Variants in SPTB observed in about 807,000 individuals in gnomAD.
SPTB encodes spectrin beta chain, erythrocytic.
SPTB carries 45 observed loss-of-function variants against 256.2 expected under a neutral mutation model. The ratio of observed to expected loss-of-function variants is 0.18; its 90% CI spans 0.14 to 0.23. The LOEUF (loss-of-function observed/expected upper bound fraction) is 0.23, where lower values mean the gene tolerates loss of function less well. SPTB is among the 10% of genes least tolerant of loss of function. The pLI, the probability that SPTB is intolerant of heterozygous loss-of-function variation, is 1.00. For missense variants in SPTB, 2,715 were observed against 3,040.4 expected (o/e 0.89, Z 2.52); for synonymous variants, 1,231 against 1,243.1 (o/e 0.99, Z 0.21).
At chr14:64,784,109 A>C (rs2082519076) in intron 19 of SPTB, 138 bp downstream of exon 19, 1 of 1,274,134 alleles carries the variant, frequency 7.8e-7, no homozygotes, top group East Asian at 2.6e-5. Context: ...AGGTTTAGCT[A>C]CTATTTAGAA....
Position 64,775,068 on chromosome 14 carries a change from C to T in SPTB, c.4842+57G>A, listed in dbSNP as rs572229100. ...CACAAGGCTCCCTACCGACAGCCAACCTCAACTCTTCCTCTCTGCCTGGGC... is the reference window on the plus strand; with the variant it reads ...CACAAGGCTCCCTACCGACAGCCAATCTCAACTCTTCCTCTCTGCCTGGGC... On this transcript the variant is annotated intron_variant, in intron 23 of 35. Transcript: ENST00000644917. The surrounding 1 kb of genome is among the most constrained non-coding windows in gnomAD (Gnocchi z 5.0). The T allele has an allele frequency of 3.1e-6, 5 of 1,612,910 alleles. No homozygotes were observed. The highest frequency in any genetic ancestry group is 4.2e-6 in the Non-Finnish European group (5 of 1,179,700).
intron 2 of SPTB, among the ~76,000 whole-genome samples, chr14:64,805,955 C>T (rs2082975365): frequency 6.6e-6 from 1 of 152,126 alleles, no homozygotes. Context: ...ACACCCCTAT[C>T]CTAAATCAGC....
chr14:64,801,964 G>A (rs1566772887), intron 5 of SPTB, 130 bp from the exon 6 acceptor site: 3 of 958,860 alleles, frequency 3.1e-6, no homozygotes, highest in Non-Finnish European at 5.0e-6. Flanking sequence ...CACCAAGAGG[G>A]GGCAGCAGCT....
chr14:64,839,019 G>C (rs1476188921), intron 1 of SPTB, among the ~76,000 whole-genome samples: 1 of 151,858 alleles, frequency 6.6e-6, no homozygotes, highest in Non-Finnish European at 1.5e-5. Context: ...TGTAATCCTA[G>C]CTACTGGGGA....
chr14:64,754,036 G>T (rs2081988821), intron 32 of SPTB: 1 of 615,480 alleles, frequency 1.6e-6, no homozygotes, highest in Non-Finnish European at 2.9e-6. Flanking sequence ...AGAGCTGCAG[G>T]GTGGCCCCCT....
intron 1 of SPTB, among the ~76,000 whole-genome samples, chr14:64,850,428 G>C (rs2083765196): frequency 6.6e-6 from 1 of 152,146 alleles, no homozygotes; most frequent in African/African-American, 2.4e-5. Context: ...TTTTCAAAAA[G>C]CCCACGTTTT....
Position 64,753,769 on chromosome 14 carries a change from G to C in SPTB, c.6370C>G (p.Gln2124Glu). The change falls in exon 33 of 36, where the codon CAG (glutamine) becomes GAG (glutamate). Residue 2124 changes from glutamine to glutamate, a missense_variant. Coordinates refer to ENST00000644917, the MANE Select transcript of SPTB (RefSeq NM_001355436.2). The part of the protein sequence containing the change: ...SPGEEEGTWP[Q>E]NLQQPPPPGQ... ...GGCGGTGGTGGCTGCTGCAGGTTCT[G>C]AGGCCACGTTCCCTCTTCTTCCCCC... 1 of 1,613,416 alleles carries C rather than the reference G, an allele frequency of 6.2e-7. No homozygotes were observed. Among genetic ancestry groups the C allele is most frequent in the Non-Finnish European group, 8.5e-7 (1 of 1,180,006 alleles).
At chr14:64,860,371 C>T (rs548650569) in intron 1 of SPTB, among the ~76,000 whole-genome samples, 144 of 152,296 alleles carry the variant, frequency 9.5e-4, no homozygotes, top group Non-Finnish European at 1.6e-3. Flanking sequence ...GAATGGGGCA[C>T]TGAGAGGCAC....
At chr14:64,850,409 A>C (rs2083764915) in intron 1 of SPTB, among the ~76,000 whole-genome samples, 1 of 152,228 alleles carries the variant, frequency 6.6e-6, no homozygotes, top group Non-Finnish European at 1.5e-5. Flanking sequence ...ATTCAACCTC[A>C]GACTTGATTT....
Position 64,798,656 on chromosome 14 carries a change from G to C in SPTB, c.1065-810C>G, listed in dbSNP as rs1418020822. ...CGTGAAGCACTGTCTACACAGCCAA[G>C]AGATAACACCTCTGTGTGCAGTGAC... On this transcript the variant is annotated intron_variant, in intron 9 of 35. Transcript: ENST00000644917. Among the ~76,000 whole-genome samples the C allele has an allele frequency of 3.9e-5, 6 of 152,228 alleles. No individual in the cohort carries two copies. The East Asian group carries it at 1.2e-3, about 29-fold the overall frequency.
In SPTB at chr14:64,802,442, C is replaced by G. The variant is rs189573227; in HGVS notation, c.475-125G>C. 198 of 914,308 alleles carry G rather than the reference C, an allele frequency of 2.2e-4. 1 individual carries two copies. In the East Asian group the frequency reaches 5.2e-3, roughly 24 times the overall value. The allele number at this position is 914,308 out of a possible 1,614,324, so 56.6% of individuals were successfully genotyped here. A position where few individuals can be genotyped will look rare whatever the true frequency, so the allele number is the denominator to read the frequency against. On this transcript the variant is annotated intron_variant, in intron 4 of 35. Transcript: ENST00000644917. The surrounding 1 kb of genome is among the most constrained non-coding windows in gnomAD (Gnocchi z 5.1). ...TTAACACTAATTCATCCTTTAAGAGCCAGTATAAATGGCGCTTGGGTTGGG... is the reference window on the plus strand; with the variant it reads ...TTAACACTAATTCATCCTTTAAGAGGCAGTATAAATGGCGCTTGGGTTGGG...
chr14:64,838,533 A>G lies in SPTB; in HGVS notation c.-51-15388T>C, dbSNP rs557786625. On this transcript the variant is annotated intron_variant, in intron 1 of 35. Coordinates refer to ENST00000644917, the MANE Select transcript of SPTB (RefSeq NM_001355436.2). ...GTATTCAGAATATATAAAAAACTCAAAACTCATCAATAAGAAAAATCTCAA... is the reference window on the plus strand; with the variant it reads ...GTATTCAGAATATATAAAAAACTCAGAACTCATCAATAAGAAAAATCTCAA... Among the ~76,000 whole-genome samples the G allele has an allele frequency of 5.3e-5, 8 of 152,312 alleles. No individual in the cohort carries two copies. The East Asian group carries it at 1.5e-3, about 29-fold the overall frequency.
rs2083319140 is a variant in SPTB, at chr14:64,822,927, CT to C, written c.148+19del. On this transcript the variant is annotated intron_variant, in intron 2 of 35. Transcript: ENST00000644917. ...GTGACTGTGAGAATGCCCTCCAACC[CT>C]TGTGGCCCCAAACAGTACCTGCCAA... 6.2e-7 allele frequency: 1 copy of C among 1,612,684 alleles called. No individual in the cohort carries two copies. Among genetic ancestry groups the C allele is most frequent in the Non-Finnish European group, 8.5e-7 (1 of 1,180,020 alleles).
chr14:64,876,985 G>A (rs1362679721), intron 1 of SPTB, among the ~76,000 whole-genome samples: 1 of 152,160 alleles, frequency 6.6e-6, no homozygotes, highest in Non-Finnish European at 1.5e-5. Flanking sequence ...AAGCCAGTAA[G>A]TATGCACATG....
At position 64,806,770 on chromosome 14, in the gene SPTB, A is replaced by T. The variant is rs2082992521; in HGVS notation, c.149-1680T>A. Among the ~76,000 whole-genome samples, 1 of 152,228 alleles carries T rather than the reference A, an allele frequency of 6.6e-6. No individual in the cohort carries two copies. The stretch of plus-strand genomic sequence containing the variant: ...CCTATCCTTGAGGCAGACAGACTCT[A>T]TTATAAATATGACGAGGGCTTGAGT... On this transcript the variant is annotated intron_variant, in intron 2 of 35. Transcript: ENST00000644917. This position sits in a 1 kb window ranked among gnomAD's most constrained non-coding sequence, Gnocchi z 4.1.
intron 1 of SPTB, among the ~76,000 whole-genome samples, chr14:64,865,502 T>C (rs757103352): frequency 6.6e-6 from 1 of 152,116 alleles, no homozygotes; most frequent in Non-Finnish European, 1.5e-5. Flanking sequence ...ACCTTGAAGA[T>C]GCGTTTCACT....
At chr14:64,822,397 C>G (rs2083307407) in intron 2 of SPTB, among the ~76,000 whole-genome samples, 1 of 145,774 alleles carries the variant, frequency 6.9e-6, no homozygotes, top group Non-Finnish European at 1.5e-5. Flanking sequence ...CACACACACA[C>G]ACACAGAGAG....
rs2081838790 is a variant in SPTB at position 64,746,434 on chromosome 14, AGCC to A, written c.*2869_*2871del. The A allele has an allele frequency of 6.5e-6, 1 of 152,712 alleles. No individual in the cohort carries two copies. Among genetic ancestry groups the A allele is most frequent in the Non-Finnish European group, 1.5e-5 (1 of 68,114 alleles). The allele number at this position is 152,712 out of a possible 1,614,324, so 9.5% of individuals were successfully genotyped here. On this transcript the variant is annotated 3_prime_UTR_variant, in exon 36 of 36. Transcript: ENST00000644917. The surrounding 1 kb of genome is among the most constrained non-coding windows in gnomAD (Gnocchi z 4.9). Reference sequence around the variant, plus strand: ...GCCCAACAGGGTTGCATTCCTCTGCAGCCGCCGCCTCCTCATTTCCTCCCTGAG... The same window carrying A: ...GCCCAACAGGGTTGCATTCCTCTGCAGCCGCCTCCTCATTTCCTCCCTGAG...
At chr14:64,813,044 T>G (rs915150889) in intron 2 of SPTB, among the ~76,000 whole-genome samples, 5 of 152,232 alleles carry the variant, frequency 3.3e-5, no homozygotes, top group African/African-American at 1.2e-4. Context: ...TAATGCATTT[T>G]GGGGGAAAAT....
Sources: gnomAD v4.1 joint callset for allele counts (sites outside exome capture counted in the v4.1 genomes callset) on GRCh38, gnomAD v4.1.1 for gene constraint, Gnocchi (gnomAD v3.1) non-coding constraint, MANE v1.5 for transcripts, NCBI Gene and HGNC (gene_info 2026-07-23, HGNC 2026-07-21) for gene names.